The following TLN2 variants were observed in gnomAD, a reference collection of about 807,000 sequenced individuals.
TLN2 encodes the protein talin 2.
In TLN2, 118 loss-of-function variants were observed where a neutral mutation model predicts 294.7. The observed-to-expected ratio is 0.40, with a 90% confidence interval of 0.34 to 0.47. TLN2 has a LOEUF of 0.47. TLN2 is among the 20% of genes least tolerant of loss of function. TLN2 has a pLI of 0.84. For synonymous variants in TLN2, 1,431 were observed against 1,304.5 expected, an observed-to-expected ratio of 1.10 and a Z score of -2.09; for missense variants, 3,083 against 3,282.2, an observed-to-expected ratio of 0.94 and a Z score of 1.48.
At chr15:62,707,880 C>T (rs1272900758) in intron 20 of TLN2, among the ~76,000 whole-genome samples, 4 of 151,990 alleles carry the variant, frequency 2.6e-5, no homozygotes, top group African/African-American at 4.8e-5. Context: ...TGTGTCCTCT[C>T]GGTGATGATG....
At chr15:62,669,451 G>T (rs1223545835) in intron 9 of TLN2, among the ~76,000 whole-genome samples, 2 of 152,170 alleles carry the variant, frequency 1.3e-5, no homozygotes, top group Non-Finnish European at 2.9e-5. Context: ...TAGAGGATCT[G>T]CTATTATGAC....
intron 1 of TLN2, among the ~76,000 whole-genome samples, chr15:62,452,029 C>T (rs909237535): frequency 6.6e-6 from 1 of 152,150 alleles, no homozygotes; most frequent in Non-Finnish European, 1.5e-5. Context: ...ATGCATCCTC[C>T]AGCCCCGAGG....
intron 1 of TLN2, among the ~76,000 whole-genome samples, chr15:62,479,310 T>C (rs965281491): frequency 1.3e-5 from 2 of 152,116 alleles, no homozygotes; most frequent in African/African-American, 4.8e-5. Context: ...AGGCGGGAGA[T>C]GATTTTATTT....
intron 41 of TLN2, among the ~76,000 whole-genome samples, 162 bp from the exon 42 acceptor site, chr15:62,770,802 C>G (rs572444774): frequency 1.3e-5 from 2 of 152,256 alleles, no homozygotes; most frequent in Admixed American, 6.5e-5. Context: ...AAGAAAGAGT[C>G]CATTAATTAG....
In TLN2 at chr15:62,780,950, C is replaced by T. The variant is rs1180653121; in HGVS notation, c.5515-190C>T. ...GGCAAGGCTGGGAGCCTCTCCTTGC[C>T]ATGTACCCTGAATGCCTTATGTGCC... On this transcript the variant is annotated intron_variant, in intron 43 of 58. Transcript: ENST00000636159. Among the ~76,000 whole-genome samples the T allele has an allele frequency of 2.6e-5, 4 of 152,334 alleles. No individual in the cohort carries two copies. The East Asian group carries it at 7.7e-4, about 29-fold the overall frequency.
At chr15:62,434,657 G>GA (rs2140295367) in intron 1 of TLN2, among the ~76,000 whole-genome samples, 1 of 152,270 alleles carries the variant, frequency 6.6e-6, no homozygotes, top group Non-Finnish European at 1.5e-5. Flanking sequence ...CTGTTCCCAG[G>GA]AGTCCTCGCC....
At chr15:62,694,165 C>T (rs1483018945) in intron 13 of TLN2, 151 bp from the exon 14 acceptor site, 6 of 556,708 alleles carry the variant, frequency 1.1e-5, no homozygotes, top group Non-Finnish European at 1.9e-5. Context: ...TTATTAGAGA[C>T]GGGGTCTCAC....
chr15:62,702,006 A>G lies in TLN2; in HGVS notation c.1711A>G (p.Thr571Ala). Residue 571 changes from threonine (T) to alanine (A), a missense_variant, in exon 18 of 59, where the codon ACT becomes GCT. Transcript: ENST00000636159. ...VNLTAGDPAD[T>A]DYTAVGCAIT... ...TTCTGTGCCAGGTGACCCTGCAGAC[A>G]CTGACTACACAGCTGTGGGATGTGC... 1 of 1,614,112 alleles carries G rather than the reference A, an allele frequency of 6.2e-7. No homozygotes were observed. Among genetic ancestry groups the G allele is most frequent in the Non-Finnish European group, 8.5e-7 (1 of 1,180,034 alleles).
At chr15:62,463,532 A>T (rs1015041784) in intron 1 of TLN2, among the ~76,000 whole-genome samples, 1 of 152,170 alleles carries the variant, frequency 6.6e-6, no homozygotes, top group African/African-American at 2.4e-5. Flanking sequence ...ATCTGGAGAA[A>T]TGTAAATGAA....
intron 1 of TLN2, among the ~76,000 whole-genome samples, chr15:62,470,621 G>A (rs2037415314): frequency 6.6e-6 from 1 of 152,216 alleles, no homozygotes; most frequent in Non-Finnish European, 1.5e-5. Context: ...CAGGTGCTGG[G>A]CAGGTGAGAA....
At chr15:62,824,818 A>G (rs2067897146) in intron 54 of TLN2, among the ~76,000 whole-genome samples, 3 of 152,232 alleles carry the variant, frequency 2.0e-5, no homozygotes, top group African/African-American at 7.2e-5. Flanking sequence ...AAAGCCTGTG[A>G]AGTATGTGTG....
chr15:62,825,825 T>TA (rs2068089676), intron 54 of TLN2, among the ~76,000 whole-genome samples: 2 of 24,520 alleles, frequency 8.2e-5, no homozygotes, highest in African/African-American at 2.8e-4. Context: ...ATAATATATA[T>TA]TATAATATAT....
At chr15:62,641,923 C>T (rs553957405) in intron 3 of TLN2, among the ~76,000 whole-genome samples, 1 of 152,218 alleles carries the variant, frequency 6.6e-6, no homozygotes, top group Non-Finnish European at 1.5e-5. Context: ...TCTGCTGGAG[C>T]TGAACTTGTT....
chr15:62,518,047 T>A (rs1038336986), intron 1 of TLN2, among the ~76,000 whole-genome samples: 2 of 54,874 alleles, frequency 3.6e-5, no homozygotes, highest in Non-Finnish European at 7.2e-5. Context: ...AGCAGCAGTT[T>A]TTTTTTTTTT....
At chr15:62,477,935 G>T (rs1022604907) in intron 1 of TLN2, among the ~76,000 whole-genome samples, 2 of 151,336 alleles carry the variant, frequency 1.3e-5, no homozygotes, top group Admixed American at 6.6e-5. Context: ...AGGGGAGCGG[G>T]GCGTTGCAGG....
rs79370350 is a variant in TLN2 at position 62,807,271 on chromosome 15, G to A, written c.6663+1486G>A. ...TGCATGCATTGTGGTGTACACACAC[G>A]GAATCTCAAAATTTTCGAAGAGCTG... On this transcript the variant is annotated intron_variant, in intron 51 of 58. Transcript: ENST00000636159. Among the ~76,000 whole-genome samples the A allele has an allele frequency of 9.7e-3, 1,483 of 152,206 alleles. 25 individuals carry two copies. Among genetic ancestry groups the A allele is most frequent in the African/African-American group, 0.033 (1,379 of 41,528 alleles).
chr15:62,426,577 G>A (rs182494454), intron 1 of TLN2, among the ~76,000 whole-genome samples: 1 of 152,300 alleles, frequency 6.6e-6, no homozygotes, highest in Non-Finnish European at 1.5e-5. Flanking sequence ...TATGGTAATG[G>A]GGACTAAGCC....
intron 1 of TLN2, among the ~76,000 whole-genome samples, chr15:62,511,687 T>A (rs2039948568): frequency 6.6e-6 from 1 of 150,582 alleles, no homozygotes; most frequent in Non-Finnish European, 1.5e-5. Flanking sequence ...AGTTCACCCC[T>A]GAATTTTGAG....
At position 62,540,197 on chromosome 15, in the gene TLN2, T is replaced by C. The variant is rs548046858; in HGVS notation, c.-237-49490T>C. On this transcript the variant is annotated intron_variant, in intron 1 of 58. Transcript: ENST00000636159. ...TCTACTAAAAATACAAAAAATTAGC[T>C]GGGCATGGTGATGGGTCCTGTAATC... Among the ~76,000 whole-genome samples, 591 of 151,982 alleles carry C rather than the reference T, an allele frequency of 3.9e-3. 6 individuals are homozygous for C. The highest frequency in any genetic ancestry group is 0.014 in the African/African-American group (569 of 41,428).
Sources: gnomAD v4.1 joint callset for allele counts (sites outside exome capture counted in the v4.1 genomes callset) on GRCh38, gnomAD v4.1.1 for gene constraint, MANE v1.5 for transcripts, NCBI Gene and HGNC (gene_info 2026-07-23, HGNC 2026-07-21) for gene names.